CCSER1: variants seen among roughly 807,000 people sequenced by gnomAD.
CCSER1 encodes serine-rich coiled-coil domain-containing protein 1.
A neutral mutation model predicts 82.0 loss-of-function variants in CCSER1; 41 were observed. The observed-to-expected ratio is 0.50, with a 90% CI of 0.39 to 0.65. The LOEUF is 0.65. Ranked by LOEUF, CCSER1 falls within the 30% of genes least tolerant of loss-of-function variation. CCSER1 has a pLI of 0.00. For missense variants in CCSER1, 1,119 were observed against 1,064.2 expected, an observed-to-expected ratio of 1.05 and a Z score of -0.72; for synonymous variants, 414 against 383.9, an observed-to-expected ratio of 1.08 and a Z score of -0.92.
intron 10 of CCSER1, among the ~76,000 whole-genome samples, chr4:91,471,957 G>A (rs1757297525): frequency 2.6e-5 from 3 of 113,818 alleles, no homozygotes; most frequent in South Asian, 3.0e-4. Flanking sequence ...GCGACAGAGC[G>A]ACACTCCATC....
chr4:91,081,611 G>T (rs1258044692), intron 9 of CCSER1, among the ~76,000 whole-genome samples: 1 of 152,160 alleles, frequency 6.6e-6, no homozygotes, highest in Non-Finnish European at 1.5e-5. Flanking sequence ...TAGGAAAAGA[G>T]GAAGTCAAAT....
intron 1 of CCSER1, among the ~76,000 whole-genome samples, chr4:90,153,721 T>G (rs1727386548): frequency 6.6e-6 from 1 of 152,212 alleles, no homozygotes; most frequent in South Asian, 2.1e-4. Flanking sequence ...TCACCCACTT[T>G]TTGATGGGTT....
intron 6 of CCSER1, among the ~76,000 whole-genome samples, chr4:90,641,271 G>A (rs906406167): frequency 1.3e-5 from 2 of 151,978 alleles, no homozygotes; most frequent in Non-Finnish European, 2.9e-5. Flanking sequence ...TAAATAATAT[G>A]TTGTTAAGTA....
intron 6 of CCSER1, among the ~76,000 whole-genome samples, chr4:90,723,228 A>G (rs1205873252): frequency 6.6e-6 from 1 of 151,940 alleles, no homozygotes; most frequent in African/African-American, 2.4e-5. Flanking sequence ...TCTAACTGAT[A>G]TATCTTTCTT....
At chr4:91,482,932 C>T (rs1364192240) in intron 10 of CCSER1, among the ~76,000 whole-genome samples, 2 of 151,610 alleles carry the variant, frequency 1.3e-5, no homozygotes, top group Non-Finnish European at 2.9e-5. Context: ...CATCACACAC[C>T]AGGGCCTGTT....
rs374374351 is a variant in CCSER1, at chr4:90,312,832, C to T, written c.1325-31C>T. Reference sequence around the variant, plus strand: ...TGTAAAAACTACATTTAAATATTTACCTTCATTTTTATTTATTTTCCTTTC... The same window carrying T: ...TGTAAAAACTACATTTAAATATTTATCTTCATTTTTATTTATTTTCCTTTC... On this transcript the variant is annotated intron_variant, in intron 2 of 10. Coordinates refer to ENST00000509176, the MANE Select transcript of CCSER1 (RefSeq NM_001145065.2). 7 of 1,442,274 alleles carry T rather than the reference C, an allele frequency of 4.9e-6. No homozygotes were observed. In the African/African-American group the frequency reaches 8.6e-5, roughly 18 times the overall value. The allele number at this position is 1,442,274 out of a possible 1,614,324, so 89.3% of individuals were successfully genotyped here.
intron 2 of CCSER1, among the ~76,000 whole-genome samples, chr4:90,310,071 T>C (rs1273939095): frequency 6.6e-6 from 1 of 152,096 alleles, no homozygotes; most frequent in Non-Finnish European, 1.5e-5. Context: ...TATAATTTCC[T>C]TTGTTAACTA....
At chr4:90,816,953 C>T (rs1759100166) in intron 8 of CCSER1, among the ~76,000 whole-genome samples, 1 of 152,012 alleles carries the variant, frequency 6.6e-6, no homozygotes, top group South Asian at 2.1e-4. Flanking sequence ...TCCTTGGTCC[C>T]ATTAACATGT....
intron 7 of CCSER1, among the ~76,000 whole-genome samples, chr4:90,755,476 C>T (rs1749362378): frequency 6.6e-6 from 1 of 152,178 alleles, no homozygotes; most frequent in Admixed American, 6.5e-5. Context: ...GACTCAAACC[C>T]ATTAGCTTGT....
At chr4:90,345,068 A>G (rs1467782300) in intron 3 of CCSER1, among the ~76,000 whole-genome samples, 8 of 152,144 alleles carry the variant, frequency 5.3e-5, no homozygotes, top group Non-Finnish European at 4.4e-5. Flanking sequence ...TGCTCTTTCC[A>G]TTAAAAGAGT....
At chr4:91,443,330 G>T (rs980330742) in intron 10 of CCSER1, among the ~76,000 whole-genome samples, 1 of 152,026 alleles carries the variant, frequency 6.6e-6, no homozygotes, top group Non-Finnish European at 1.5e-5. Flanking sequence ...GTAGAGACAT[G>T]GATGAAACTG....
intron 8 of CCSER1, among the ~76,000 whole-genome samples, chr4:90,862,055 T>TC (rs1004475623): frequency 6.6e-6 from 1 of 151,310 alleles, no homozygotes; most frequent in Admixed American, 6.6e-5. Flanking sequence ...AGTCCATTTT[T>TC]CACAGACTAA....
chr4:91,165,479 G>T (rs112856901), intron 10 of CCSER1, among the ~76,000 whole-genome samples: 6 of 152,176 alleles, frequency 3.9e-5, no homozygotes, highest in Non-Finnish European at 4.4e-5. Flanking sequence ...AGACAGGGAC[G>T]TTTAAGTCTG....
chr4:90,540,629 A>G (rs764901209), intron 5 of CCSER1, among the ~76,000 whole-genome samples: 3 of 152,114 alleles, frequency 2.0e-5, no homozygotes, highest in Non-Finnish European at 4.4e-5. Context: ...ACTTCCACTT[A>G]ATTGATATAT....
At chr4:91,200,920 A>G in intron 10 of CCSER1, among the ~76,000 whole-genome samples, 1 of 152,080 alleles carries the variant, frequency 6.6e-6, no homozygotes, top group African/African-American at 2.4e-5. Context: ...CTATTATTGT[A>G]GTCTTTTACA....
chr4:90,575,145 C>T (rs574993274), intron 5 of CCSER1, among the ~76,000 whole-genome samples: 1 of 152,282 alleles, frequency 6.6e-6, no homozygotes, highest in South Asian at 2.1e-4. Context: ...TCAGTGATGT[C>T]CTCGATGACT....
At chr4:90,798,745 G>A (rs1756376002) in intron 7 of CCSER1, among the ~76,000 whole-genome samples, 1 of 152,154 alleles carries the variant, frequency 6.6e-6, no homozygotes, top group Admixed American at 6.5e-5. Flanking sequence ...GAAGATTTTA[G>A]GGGGTCACTG....
intron 10 of CCSER1, among the ~76,000 whole-genome samples, chr4:91,562,655 A>G (rs17284306): frequency 0.11 from 17,083 of 151,550 alleles, 1,089 homozygotes; most frequent in Middle Eastern, 0.21. Context: ...GAAAGTGTTC[A>G]TTGTTTAGCA....
intron 10 of CCSER1, among the ~76,000 whole-genome samples, chr4:91,143,059 T>C (rs1465594085): frequency 6.6e-6 from 1 of 152,150 alleles, no homozygotes; most frequent in Admixed American, 6.6e-5. Context: ...AATCTGTAGA[T>C]TGCTTTGGGC....
Sources: allele counts gnomAD v4.1 joint callset (sites outside exome capture counted in the v4.1 genomes callset), GRCh38; gene constraint gnomAD v4.1.1; transcripts MANE v1.5; gene names NCBI Gene and HGNC (gene_info 2026-07-23, HGNC 2026-07-21).